The following OSBPL9 variants were observed in gnomAD, a reference collection of about 807,000 sequenced individuals.
OSBPL9 encodes the protein oxysterol-binding protein-related protein 9.
OSBPL9 carries 40 observed loss-of-function variants against 106.6 expected under a neutral mutation model. The ratio of observed to expected loss-of-function variants is 0.38; its 90% CI spans 0.29 to 0.49. The LOEUF is 0.49. Among genes scored for constraint, OSBPL9 ranks in the 20% least tolerant of loss-of-function variants. The pLI is 0.97. For synonymous variants in OSBPL9, 269 were observed against 295.4 expected, an observed-to-expected ratio of 0.91 and a Z score of 0.92; for missense variants, 609 against 887.2, an observed-to-expected ratio of 0.69 and a Z score of 3.98.
the OSBPL9 span, among the ~76,000 whole-genome samples, chr1:51,564,617 C>T: frequency 9.2e-5 from 14 of 152,360 alleles, no homozygotes; most frequent in Admixed American, 2.0e-4. Flanking sequence ...TCCAGAATGA[C>T]TGAAGGCTTC....
At chr1:51,563,140 G>A in the OSBPL9 span, among the ~76,000 whole-genome samples, 1 of 152,138 alleles carries the variant, frequency 6.6e-6, no homozygotes, top group East Asian at 1.9e-4. Context: ...AGCCCAGGAG[G>A]TGGAGGTTGC....
At chr1:51,598,579 TC>T (rs1645313635) in intron 2 of OSBPL9, among the ~76,000 whole-genome samples, 1 of 152,204 alleles carries the variant, frequency 6.6e-6, no homozygotes. Flanking sequence ...TAAAAATGTC[TC>T]CAGACATTAC....
the OSBPL9 span, among the ~76,000 whole-genome samples, chr1:51,528,986 A>T: frequency 1.3e-5 from 2 of 152,322 alleles, no homozygotes; most frequent in East Asian, 3.9e-4. Context: ...ACAAAATATC[A>T]TTGAAAGAAA....
chr1:51,609,172 C>T (rs1452896132), intron 2 of OSBPL9, among the ~76,000 whole-genome samples: 1 of 152,054 alleles, frequency 6.6e-6, no homozygotes, highest in Non-Finnish European at 1.5e-5. Flanking sequence ...TCTCAAGCCT[C>T]TCTCATTTTT....
the OSBPL9 span, among the ~76,000 whole-genome samples, chr1:51,564,147 C>G: frequency 2.6e-5 from 4 of 151,614 alleles, no homozygotes; most frequent in African/African-American, 9.7e-5. Flanking sequence ...CAGGCTGGAC[C>G]TGGCTCCTTC....
Position 51,740,017 on chromosome 1 carries a change from C to T in OSBPL9, c.319-5519C>T, listed in dbSNP as rs1353544240. ...TTTTTTTTTAACTTGCCACTTGCTG[C>T]TCATGTACCTACTTTTCCTCTGTGT... On this transcript the variant is annotated intron_variant, in intron 4 of 23. Coordinates refer to ENST00000428468, the MANE Select transcript of OSBPL9 (RefSeq NM_024586.6). 2.2e-5 allele frequency: 25 copies of T among 1,121,438 alleles called. No individual in the cohort carries two copies. In the East Asian group the frequency reaches 5.9e-4, roughly 26 times the overall value. 69.5% of individuals were successfully genotyped at this position (1,121,438 alleles called of 1,614,324 possible).
chr1:51,787,911 A>C lies in OSBPL9; in HGVS notation c.*122A>C. ...TTCTAATTACAGTGGTTCCTATCTC[A>C]GGGATACTGGACTTTCTGACGCAGA... On this transcript the variant is annotated 3_prime_UTR_variant, in exon 24 of 24. Coordinates refer to ENST00000428468, the MANE Select transcript of OSBPL9 (RefSeq NM_024586.6). The C allele has an allele frequency of 1.9e-5, 16 of 864,456 alleles. No homozygotes were observed. Among genetic ancestry groups the C allele is most frequent in the Non-Finnish European group, 2.8e-5 (15 of 538,624 alleles). 53.5% of individuals were successfully genotyped at this position (864,456 alleles called of 1,614,324 possible).
intron 1 of OSBPL9, among the ~76,000 whole-genome samples, chr1:51,629,851 A>G (rs1435594339): frequency 6.6e-6 from 1 of 152,010 alleles, no homozygotes; most frequent in Non-Finnish European, 1.5e-5. Context: ...TGGGAGGCTG[A>G]GGCAGGAGAA....
At chr1:51,574,835 A>T (rs538458155), upstream of OSBPL9, among the ~76,000 whole-genome samples, 2 of 152,302 alleles carry the variant, frequency 1.3e-5, no homozygotes, top group East Asian at 3.9e-4. Flanking sequence ...ACCTTCTTGA[A>T]TTAGTAATGA....
chr1:51,769,976 T>C (rs908463583), intron 12 of OSBPL9, among the ~76,000 whole-genome samples: 1 of 152,178 alleles, frequency 6.6e-6, no homozygotes, highest in African/African-American at 2.4e-5. Flanking sequence ...GTAACTTTCA[T>C]GCTTTTTTTT....
At chr1:51,722,294 C>G (rs140968879) in intron 4 of OSBPL9, among the ~76,000 whole-genome samples, 2 of 152,274 alleles carry the variant, frequency 1.3e-5, no homozygotes, top group East Asian at 3.9e-4. Flanking sequence ...CAAGCATTTT[C>G]AACAAAATCT....
At chr1:51,750,459 G>T (rs2149024628) in intron 8 of OSBPL9, among the ~76,000 whole-genome samples, 1 of 152,234 alleles carries the variant, frequency 6.6e-6, no homozygotes, top group South Asian at 2.1e-4. Flanking sequence ...CATTATCACT[G>T]CTTAGAACAG....
chr1:51,531,039 C>T, the OSBPL9 span, among the ~76,000 whole-genome samples: 2 of 151,832 alleles, frequency 1.3e-5, no homozygotes, highest in African/African-American at 2.4e-5. Context: ...TTTGGGAGGC[C>T]GAGACAGGCA....
the OSBPL9 span, among the ~76,000 whole-genome samples, chr1:51,557,803 G>A: frequency 1.3e-4 from 20 of 152,254 alleles, no homozygotes; most frequent in East Asian, 2.3e-3. Context: ...TATGATGTAA[G>A]GGATATCAAT....
Position 51,772,219 on chromosome 1 carries a change from A to G in OSBPL9, c.1051+37A>G. ...TTGATAATTTAACTTTTTTTTCTTT[A>G]AAAATATTTGTGGCCAGATGTGGTG... is the stretch of plus-strand genomic sequence containing the variant. On this transcript the variant is annotated intron_variant, in intron 13 of 23. Coordinates refer to ENST00000428468, the MANE Select transcript of OSBPL9 (RefSeq NM_024586.6). The G allele has an allele frequency of 1.9e-6, 3 of 1,540,372 alleles. No homozygotes were observed. In the Admixed American group the frequency reaches 5.3e-5, roughly 27 times the overall value.
chr1:51,698,334 A>G (rs1656506495), intron 3 of OSBPL9, among the ~76,000 whole-genome samples: 1 of 152,142 alleles, frequency 6.6e-6, no homozygotes, highest in Non-Finnish European at 1.5e-5. Context: ...ATGGATTATA[A>G]AGGTCTATTT....
intron 1 of OSBPL9, among the ~76,000 whole-genome samples, chr1:51,633,471 G>A (rs1645230959): frequency 6.6e-6 from 1 of 151,790 alleles, no homozygotes; most frequent in African/African-American, 2.4e-5. Flanking sequence ...CAGCTACTGG[G>A]TGGGGATGGG....
intron 18 of OSBPL9, 81 bp from the exon 19 acceptor site, chr1:51,784,183 T>G (rs1677062911): frequency 8.8e-6 from 13 of 1,484,950 alleles, no homozygotes; most frequent in Non-Finnish European, 1.2e-5. Flanking sequence ...TGGAGTATCC[T>G]GGAGTAACCA....
At chr1:51,632,500 T>C (rs1490456475) in intron 1 of OSBPL9, among the ~76,000 whole-genome samples, 1 of 152,242 alleles carries the variant, frequency 6.6e-6, no homozygotes, top group Non-Finnish European at 1.5e-5. Context: ...AGAATGATGA[T>C]AAACCTGTTA....
Sources: gnomAD v4.1 joint callset for allele counts (sites outside exome capture counted in the v4.1 genomes callset) on GRCh38, gnomAD v4.1.1 for gene constraint, MANE v1.5 for transcripts, NCBI Gene and HGNC (gene_info 2026-07-23, HGNC 2026-07-21) for gene names.